PTK2B: variants seen among roughly 807,000 people sequenced by gnomAD.
PTK2B encodes the protein protein-tyrosine kinase 2-beta.
PTK2B carries 71 observed loss-of-function variants against 142.9 expected under a neutral mutation model. That is an observed-to-expected ratio of 0.50 (90% CI 0.41 to 0.61). The LOEUF (loss-of-function observed/expected upper bound fraction) is 0.61. PTK2B is among the 20% of genes least tolerant of loss of function. The probability of loss-of-function intolerance (pLI) is 0.00; values close to 1 mark genes in which losing one functional copy is unlikely to be tolerated. For synonymous variants in PTK2B, 519 were observed against 503.4 expected, an observed-to-expected ratio of 1.03 and a Z score of -0.42; for missense variants, 1,105 against 1,320.4, an observed-to-expected ratio of 0.84 and a Z score of 2.53.
chr8:27,412,161 G>GTTGATTGATTGA (rs34240586), intron 2 of PTK2B, among the ~76,000 whole-genome samples: 1 of 151,644 alleles, frequency 6.6e-6, no homozygotes, highest in Non-Finnish European at 1.5e-5. Flanking sequence ...TACAGGCATC[G>GTTGATTGATTGA]TTGATTGATT....
intron 1 of PTK2B, among the ~76,000 whole-genome samples, chr8:27,387,143 A>C (rs918209226): frequency 1.6e-4 from 25 of 152,184 alleles, no homozygotes; most frequent in African/African-American, 5.8e-4. Context: ...GGTGGAGGGA[A>C]GGTTGGGGGT....
chr8:27,353,489 A>T (rs2130580718), intron 1 of PTK2B, among the ~76,000 whole-genome samples: 1 of 152,294 alleles, frequency 6.6e-6, no homozygotes, highest in Middle Eastern at 3.4e-3. Flanking sequence ...CTATGCCCTC[A>T]CACGCTGATC....
At chr8:27,410,002 G>A (rs2131629982) in intron 2 of PTK2B, among the ~76,000 whole-genome samples, 1 of 152,336 alleles carries the variant, frequency 6.6e-6, no homozygotes, top group East Asian at 1.9e-4. Flanking sequence ...GATTACAAGT[G>A]TGAGCCACCA....
intron 24 of PTK2B, among the ~76,000 whole-genome samples, chr8:27,449,249 A>T (rs1811661745): frequency 6.6e-6 from 1 of 152,240 alleles, no homozygotes; most frequent in Non-Finnish European, 1.5e-5. Flanking sequence ...CAGCCCTGCC[A>T]CATAGTAGTT....
intron 1 of PTK2B, among the ~76,000 whole-genome samples, chr8:27,382,667 T>G (rs572746635): frequency 6.6e-6 from 1 of 152,238 alleles, no homozygotes; most frequent in Non-Finnish European, 1.5e-5. Context: ...TACCCTGCTT[T>G]CTTCTAGTAG....
At chr8:27,411,732 A>G (rs1809077952) in intron 2 of PTK2B, among the ~76,000 whole-genome samples, 1 of 152,188 alleles carries the variant, frequency 6.6e-6, no homozygotes. Flanking sequence ...GGATTGGCAC[A>G]CTTTGCAAGG....
intron 1 of PTK2B, chr8:27,326,938 AG>A: frequency 6.6e-6 from 1 of 152,522 alleles, no homozygotes; most frequent in South Asian, 2.1e-4. Context: ...CGGGTGGTTG[AG>A]GGAGGGCTGC....
chr8:27,383,311 A>G (rs1056760470), intron 1 of PTK2B, among the ~76,000 whole-genome samples: 9 of 151,980 alleles, frequency 5.9e-5, no homozygotes, highest in Non-Finnish European at 1.0e-4. Context: ...CTGTGGTGCA[A>G]TCGTGGCTCA....
At position 27,447,230 on chromosome 8, in the gene PTK2B, A is replaced by C. The variant is rs1811526771; in HGVS notation, c.2340+1311A>C. Among the ~76,000 whole-genome samples the C allele has an allele frequency of 2.0e-5, 3 of 152,226 alleles. No individual in the cohort carries two copies. The South Asian group carries it at 6.2e-4, about 32-fold the overall frequency. On this transcript the variant is annotated intron_variant, in intron 24 of 30. Coordinates refer to ENST00000346049, the MANE Select transcript of PTK2B (RefSeq NM_173176.3). ...CCTTTTGTATCAGGGCTTTAGAAGT[A>C]ATTGACATAAGGAAAATCTGCCTAA...
intron 1 of PTK2B, among the ~76,000 whole-genome samples, chr8:27,331,954 C>A (rs1803778967): frequency 6.6e-6 from 1 of 152,224 alleles, no homozygotes; most frequent in African/African-American, 2.4e-5. Flanking sequence ...AGGTCCCACC[C>A]CAGGTAGGTT....
chr8:27,390,028 A>C (rs1807616828), intron 1 of PTK2B, among the ~76,000 whole-genome samples: 1 of 152,198 alleles, frequency 6.6e-6, no homozygotes, highest in Admixed American at 6.5e-5. Flanking sequence ...AGGGGAAGTG[A>C]TTCAGAGGCG....
chr8:27,443,871 C>T (rs923010516), intron 22 of PTK2B, among the ~76,000 whole-genome samples: 1 of 152,208 alleles, frequency 6.6e-6, no homozygotes, highest in African/African-American at 2.4e-5. Context: ...GCCCAAGCCC[C>T]TGGTGAGCTC....
intron 3 of PTK2B, among the ~76,000 whole-genome samples, chr8:27,315,164 C>A (rs1234587445): frequency 1.3e-5 from 2 of 152,150 alleles, no homozygotes; most frequent in Non-Finnish European, 2.9e-5. Flanking sequence ...CTCTAATTGC[C>A]TTCAGTGTTT....
intron 1 of PTK2B, among the ~76,000 whole-genome samples, chr8:27,368,467 C>A (rs1033979207): frequency 1.3e-5 from 2 of 152,232 alleles, no homozygotes; most frequent in African/African-American, 4.8e-5. Context: ...GGCTGTGAAT[C>A]CCCAGCTGTT....
At chr8:27,350,110 T>A (rs552637643) in intron 1 of PTK2B, among the ~76,000 whole-genome samples, 1 of 152,146 alleles carries the variant, frequency 6.6e-6, no homozygotes, top group Non-Finnish European at 1.5e-5. Context: ...ATGATAAAGG[T>A]ACGGGGAAGC....
intron 1 of PTK2B, among the ~76,000 whole-genome samples, chr8:27,370,680 G>C (rs1208325484): frequency 2.0e-5 from 3 of 152,208 alleles, no homozygotes; most frequent in Admixed American, 2.0e-4. Flanking sequence ...TGGAAACTGG[G>C]TATGTTGCCT....
At chr8:27,455,705 C>T (rs1812104036) in intron 30 of PTK2B, among the ~76,000 whole-genome samples, 1 of 152,250 alleles carries the variant, frequency 6.6e-6, no homozygotes, top group African/African-American at 2.4e-5. Flanking sequence ...GGAGAACAAG[C>T]CCTGTGGCCA....
chr8:27,337,988 C>T (rs534188593), intron 1 of PTK2B, among the ~76,000 whole-genome samples: 20 of 152,244 alleles, frequency 1.3e-4, no homozygotes, highest in African/African-American at 4.6e-4. Flanking sequence ...ATCAGCAGTA[C>T]TTCTTGGTTC....
At chr8:27,361,768 C>T (rs947018389) in intron 1 of PTK2B, among the ~76,000 whole-genome samples, 1 of 152,120 alleles carries the variant, frequency 6.6e-6, no homozygotes, top group Non-Finnish European at 1.5e-5. Flanking sequence ...CTGGTGCTCT[C>T]AATGAAGTAC....
Sources: allele counts gnomAD v4.1 joint callset (sites outside exome capture counted in the v4.1 genomes callset), GRCh38; gene constraint gnomAD v4.1.1; transcripts MANE v1.5; gene names NCBI Gene and HGNC (gene_info 2026-07-23, HGNC 2026-07-21).